Variants in OSBPL6 observed in about 807,000 individuals in gnomAD.
The protein encoded by OSBPL6 is oxysterol-binding protein-related protein 6.
OSBPL6 carries 49 observed loss-of-function variants against 125.8 expected under a neutral mutation model. That is an observed-to-expected ratio of 0.39 (90% CI 0.31 to 0.49). The LOEUF is 0.49. OSBPL6 is among the 20% of genes least tolerant of loss of function. OSBPL6 has a pLI of 0.88. For missense variants in OSBPL6, 986 were observed against 1,135.4 expected (o/e 0.87, Z 1.89); for synonymous variants, 394 against 391.8 (o/e 1.01, Z -0.07).
intron 1 of OSBPL6, among the ~76,000 whole-genome samples, chr2:178,222,741 T>A (rs1180544345): frequency 6.6e-6 from 1 of 152,184 alleles, no homozygotes; most frequent in East Asian, 1.9e-4. Flanking sequence ...TTATAAGAAG[T>A]AATATTTGTA....
chr2:178,204,661 C>T lies in OSBPL6; in HGVS notation c.-351+9987C>T, dbSNP rs541814399. ...AGATAAATTCAGTCCTTCATCTTGG[C>T]CAGAAGGAGAAGTCCCCCAGATATC... is the stretch of plus-strand genomic sequence containing the variant. On this transcript the variant is annotated intron_variant, in intron 1 of 24. Transcript: ENST00000190611. Among the ~76,000 whole-genome samples the T allele has an allele frequency of 3.3e-4, 51 of 152,264 alleles. 4 individuals carry two copies. In the South Asian group the frequency reaches 0.011, roughly 32 times the overall value.
chr2:178,248,715 C>T (rs907421486), intron 1 of OSBPL6, among the ~76,000 whole-genome samples: 2 of 151,872 alleles, frequency 1.3e-5, no homozygotes, highest in Non-Finnish European at 2.9e-5. Flanking sequence ...TTGAGGATTG[C>T]CAGTATTAGG....
intron 1 of OSBPL6, among the ~76,000 whole-genome samples, chr2:178,248,157 A>G (rs2091560003): frequency 6.6e-6 from 1 of 152,212 alleles, no homozygotes. Flanking sequence ...CACAGATACT[A>G]AGTACCAGAA....
chr2:178,313,661 A>C (rs1687489715), intron 3 of OSBPL6, among the ~76,000 whole-genome samples: 1 of 152,216 alleles, frequency 6.6e-6, no homozygotes, highest in Non-Finnish European at 1.5e-5. Flanking sequence ...GTTTTTATGA[A>C]ATCTATATTC....
At chr2:178,312,902 CTT>C (rs982176798) in intron 3 of OSBPL6, among the ~76,000 whole-genome samples, 1 of 150,074 alleles carries the variant, frequency 6.7e-6, no homozygotes, top group Non-Finnish European at 1.5e-5. Context: ...TTCCTTCTTT[CTT>C]TTTTTTTGGA....
chr2:178,306,852 G>A (rs1686808502), intron 3 of OSBPL6, among the ~76,000 whole-genome samples: 1 of 152,172 alleles, frequency 6.6e-6, no homozygotes, highest in African/African-American at 2.4e-5. Flanking sequence ...TCCCATTTGA[G>A]CCAGTTTTGC....
chr2:178,350,518 A>G (rs2154090609), intron 12 of OSBPL6, among the ~76,000 whole-genome samples: 1 of 152,322 alleles, frequency 6.6e-6, no homozygotes. Flanking sequence ...AACATTTGCA[A>G]TCTCAAACCA....
intron 1 of OSBPL6, among the ~76,000 whole-genome samples, chr2:178,252,537 A>T (rs868753194): frequency 5.9e-5 from 9 of 152,132 alleles, no homozygotes; most frequent in African/African-American, 1.9e-4. Context: ...AAAACAAAAA[A>T]AATAGGAGAC....
intron 15 of OSBPL6, among the ~76,000 whole-genome samples, chr2:178,378,496 GTTC>G (rs1694098128): frequency 6.6e-6 from 1 of 152,146 alleles, no homozygotes; most frequent in East Asian, 1.9e-4. Context: ...TTTAAAAAAT[GTTC>G]TTCTTGCTTC....
chr2:178,384,551 T>C (rs536214859), intron 18 of OSBPL6, among the ~76,000 whole-genome samples: 5 of 152,226 alleles, frequency 3.3e-5, no homozygotes, highest in Admixed American at 3.3e-4. Flanking sequence ...TGCATTCTTT[T>C]GGGTCTCTGA....
chr2:178,256,826 C>T (rs965518781), intron 1 of OSBPL6, among the ~76,000 whole-genome samples: 2 of 152,078 alleles, frequency 1.3e-5, no homozygotes, highest in African/African-American at 4.8e-5. Flanking sequence ...AAATTTGAGC[C>T]AGCTACAGCA....
chr2:178,374,111 G>T lies in OSBPL6; in HGVS notation c.1533+84G>T, dbSNP rs1575004245. The T allele has an allele frequency of 5.4e-6, 8 of 1,472,592 alleles. No individual in the cohort carries two copies. The East Asian group carries it at 1.6e-4, about 30-fold the overall frequency. 91.2% of individuals were successfully genotyped at this position (1,472,592 alleles called of 1,614,324 possible). On this transcript the variant is annotated intron_variant, in intron 15 of 24. Transcript: ENST00000190611. Reference sequence around the variant, plus strand: ...GAACATAAAACTGTGGAACTTTTTGGTGATTACTTTCATTTGTTTTTTTGT... The same window carrying T: ...GAACATAAAACTGTGGAACTTTTTGTTGATTACTTTCATTTGTTTTTTTGT...
At chr2:178,303,312 G>A (rs185932705) in intron 2 of OSBPL6, among the ~76,000 whole-genome samples, 11 of 152,312 alleles carry the variant, frequency 7.2e-5, no homozygotes, top group Admixed American at 2.0e-4. Context: ...TGACAGTGAA[G>A]TTGAAATTTT....
intron 3 of OSBPL6, among the ~76,000 whole-genome samples, chr2:178,315,781 T>C (rs1390959531): frequency 6.6e-6 from 1 of 152,102 alleles, no homozygotes. Context: ...GCCCAGAGGG[T>C]CTCATTCAGT....
At chr2:178,333,286 G>A (rs1019869998) in intron 8 of OSBPL6, among the ~76,000 whole-genome samples, 3 of 152,210 alleles carry the variant, frequency 2.0e-5, no homozygotes, top group Non-Finnish European at 2.9e-5. Flanking sequence ...TCGGGAGGCT[G>A]AAGCACGAAA....
chr2:178,388,951 A>G (rs898803242), intron 20 of OSBPL6, 58 bp from the exon 21 acceptor site: 1 of 1,546,976 alleles, frequency 6.5e-7, no homozygotes, highest in African/African-American at 1.4e-5. Context: ...ATTAGCAGAA[A>G]CAGTTATATG....
At position 178,389,078 on chromosome 2, in the gene OSBPL6, G is replaced by T. The variant is rs200836683; in HGVS notation, c.2226G>T (p.Trp742Cys). ...CIHNILSGRR[W>C]IEHYGEVTIR... ...ACAACATCCTCAGTGGGAGAAGATG[G>T]ATAGAACATTATGGAGAAGTAACCA... Residue 742 changes from tryptophan to cysteine, a missense_variant, in exon 21 of 25, where the codon TGG (tryptophan) becomes TGT (cysteine). Transcript: ENST00000190611. 1 of 1,613,988 alleles carries T rather than the reference G, an allele frequency of 6.2e-7. No homozygotes were observed.
At chr2:178,347,334 A>G (rs985692335) in intron 11 of OSBPL6, among the ~76,000 whole-genome samples, 1 of 151,560 alleles carries the variant, frequency 6.6e-6, no homozygotes, top group Admixed American at 6.6e-5. Context: ...ATTACCAAAG[A>G]CCCGCATTTA....
intron 1 of OSBPL6, among the ~76,000 whole-genome samples, chr2:178,243,404 T>C (rs1338238174): frequency 6.6e-6 from 1 of 152,222 alleles, no homozygotes; most frequent in African/African-American, 2.4e-5. Flanking sequence ...TTTGATCCCC[T>C]ACTTGCCAAC....
Sources: gnomAD v4.1 joint callset for allele counts (sites outside exome capture counted in the v4.1 genomes callset) on GRCh38, gnomAD v4.1.1 for gene constraint, MANE v1.5 for transcripts, NCBI Gene and HGNC (gene_info 2026-07-23, HGNC 2026-07-21) for gene names.